ERI3: variants seen among roughly 807,000 people sequenced by gnomAD.
The protein encoded by ERI3 is ERI1 exoribonuclease 3.
A neutral mutation model predicts 44.4 loss-of-function variants in ERI3; 18 were observed. The observed-to-expected ratio is 0.41, with a 90% CI of 0.28 to 0.60. ERI3 has a LOEUF of 0.60. ERI3 is among the 20% of genes least tolerant of loss of function. The pLI is 0.36. For synonymous variants in ERI3, 183 were observed against 164.8 expected, an observed-to-expected ratio of 1.11 and a Z score of -0.84; for missense variants, 294 against 435.5, an observed-to-expected ratio of 0.68 and a Z score of 2.89.
intron 2 of ERI3, among the ~76,000 whole-genome samples, chr1:44,348,981 A>G (rs1646838306): frequency 6.6e-6 from 1 of 152,208 alleles, no homozygotes; most frequent in Non-Finnish European, 1.5e-5. Flanking sequence ...TTTGAGAGGC[A>G]CTTTACAAAG....
intron 7 of ERI3, chr1:44,284,194 C>T: frequency 2.5e-6 from 1 of 392,556 alleles, no homozygotes; most frequent in Non-Finnish European, 5.2e-6. Context: ...TCATTCTCTG[C>T]CAGGGCTCAC....
chr1:44,314,673 G>A (rs1646047642), intron 4 of ERI3, among the ~76,000 whole-genome samples: 1 of 152,186 alleles, frequency 6.6e-6, no homozygotes, highest in Non-Finnish European at 1.5e-5. Context: ...GGGGCTGGGA[G>A]TGGGGAAGTG....
At chr1:44,249,140 C>T (rs939380733) in intron 7 of ERI3, among the ~76,000 whole-genome samples, 4 of 152,160 alleles carry the variant, frequency 2.6e-5, no homozygotes, top group Non-Finnish European at 4.4e-5. Context: ...GGTAGCTAGT[C>T]GGGCCTTCAA....
At chr1:44,314,380 G>T (rs1202270191) in intron 4 of ERI3, among the ~76,000 whole-genome samples, 1 of 152,126 alleles carries the variant, frequency 6.6e-6, no homozygotes, top group African/African-American at 2.4e-5. Flanking sequence ...GGTATTTTAA[G>T]GAAGTGTAAG....
chr1:44,275,119 C>A (rs1213472490), intron 7 of ERI3, among the ~76,000 whole-genome samples: 18 of 152,174 alleles, frequency 1.2e-4, no homozygotes, highest in Admixed American at 1.2e-3. Flanking sequence ...AAACAGCTTG[C>A]AGAGCCCCTA....
At chr1:44,344,963 GAT>G (rs1646755494) in intron 2 of ERI3, among the ~76,000 whole-genome samples, 1 of 152,220 alleles carries the variant, frequency 6.6e-6, no homozygotes, top group Non-Finnish European at 1.5e-5. Context: ...GCCCCTGGAG[GAT>G]GGTCTCTGTG....
At chr1:44,251,050 C>A (rs1376384080) in intron 7 of ERI3, among the ~76,000 whole-genome samples, 1 of 152,216 alleles carries the variant, frequency 6.6e-6, no homozygotes, top group Non-Finnish European at 1.5e-5. Context: ...CATGCTCCCC[C>A]CAGCTCCTGC....
At chr1:44,353,288 G>T in intron 1 of ERI3, 1 of 985,378 alleles carries the variant, frequency 1.0e-6, no homozygotes, top group South Asian at 4.7e-5. Flanking sequence ...GGCTGGGCCA[G>T]GACTGGGGTA....
At chr1:44,280,399 A>G (rs1359596567) in intron 7 of ERI3, among the ~76,000 whole-genome samples, 1 of 152,234 alleles carries the variant, frequency 6.6e-6, no homozygotes, top group Non-Finnish European at 1.5e-5. Flanking sequence ...TATCAGTTCA[A>G]TCGAAGTAAT....
Position 44,355,034 on chromosome 1 carries a change from C to A in ERI3, c.-8G>T, listed in dbSNP as rs1646970659. ...GGGAGAGGCTGTCGCCATGGCAACG[C>A]CCCCTCCTCGGGGCCAGCGCGGCAG... On this transcript the variant is annotated 5_prime_UTR_variant, in exon 1 of 9. Transcript: ENST00000372257. The A allele has an allele frequency of 2.9e-6, 4 of 1,381,274 alleles. No individual in the cohort carries two copies. The highest frequency in any genetic ancestry group is 3.8e-6 in the Non-Finnish European group (4 of 1,063,266). The allele number at this position is 1,381,274 out of a possible 1,614,324, so 85.6% of individuals were successfully genotyped here. A position where few individuals can be genotyped will look rare whatever the true frequency, so the allele number is the denominator to read the frequency against.
At position 44,353,146 on chromosome 1, in the gene ERI3, C is replaced by T. The variant is rs368985174; in HGVS notation, c.136-221G>A. 1.1e-4 allele frequency: 107 copies of T among 985,334 alleles called. 2 individuals carry two copies. In the African/African-American group the frequency reaches 1.7e-3, roughly 16 times the overall value. The allele number at this position is 985,334 out of a possible 1,614,324, so 61.0% of individuals were successfully genotyped here. On this transcript the variant is annotated intron_variant, in intron 1 of 8. Coordinates refer to ENST00000372257, the MANE Select transcript of ERI3 (RefSeq NM_024066.3). The stretch of plus-strand genomic sequence containing the variant: ...ATACTTTTGCTCCTAAGGAGGCTCA[C>T]CTCCTAGAAACACTAAACATTTACC...
intron 8 of ERI3, among the ~76,000 whole-genome samples, chr1:44,227,393 T>C (rs1227300409): frequency 6.6e-6 from 1 of 152,024 alleles, no homozygotes; most frequent in Non-Finnish European, 1.5e-5. Context: ...GATCCTTGGG[T>C]GTGTCCACGT....
chr1:44,355,070 G>A lies in ERI3; in HGVS notation c.-44C>T. ...GGGCCAGCGCGGCAGGCTCCCTCCA[G>A]GTGCAGGCCCCGACGTCTCCCTCGG... is the stretch of plus-strand genomic sequence containing the variant. On this transcript the variant is annotated 5_prime_UTR_variant, in exon 1 of 9. Transcript: ENST00000372257. The A allele has an allele frequency of 3.0e-6, 4 of 1,318,422 alleles. No individual in the cohort carries two copies. The highest frequency in any genetic ancestry group is 3.9e-6 in the Non-Finnish European group (4 of 1,029,184). The allele number at this position is 1,318,422 out of a possible 1,614,324, so 81.7% of individuals were successfully genotyped here.
intron 6 of ERI3, among the ~76,000 whole-genome samples, chr1:44,289,144 G>A (rs1177437392): frequency 6.6e-6 from 1 of 152,168 alleles, no homozygotes; most frequent in Non-Finnish European, 1.5e-5. Flanking sequence ...CATCACTGAT[G>A]GCCAATAGAA....
At chr1:44,275,858 T>C (rs1200591264) in intron 7 of ERI3, among the ~76,000 whole-genome samples, 1 of 152,182 alleles carries the variant, frequency 6.6e-6, no homozygotes, top group Non-Finnish European at 1.5e-5. Context: ...CCCACCTCCC[T>C]CAGTCCATTT....
chr1:44,292,053 AC>A (rs754063274), intron 6 of ERI3, among the ~76,000 whole-genome samples: 1 of 152,210 alleles, frequency 6.6e-6, no homozygotes, highest in African/African-American at 2.4e-5. Flanking sequence ...AACATGCTTT[AC>A]AAATAAGGCC....
chr1:44,255,202 C>T (rs1290446654), intron 7 of ERI3, among the ~76,000 whole-genome samples: 4 of 152,314 alleles, frequency 2.6e-5, no homozygotes, highest in Admixed American at 6.5e-5. Context: ...CTCCTGTTAA[C>T]GACCAACTTC....
chr1:44,258,506 C>T (rs1327386584), intron 7 of ERI3, among the ~76,000 whole-genome samples: 7 of 152,174 alleles, frequency 4.6e-5, no homozygotes, highest in Admixed American at 6.5e-5. Context: ...ATGTAACACC[C>T]ATTTATTGAG....
intron 7 of ERI3, among the ~76,000 whole-genome samples, chr1:44,259,750 C>A (rs1188697171): frequency 6.8e-6 from 1 of 147,748 alleles, no homozygotes; most frequent in Non-Finnish European, 1.5e-5. Flanking sequence ...GTGACGTGCA[C>A]CTGTGATCCT....
Sources: gnomAD v4.1 joint callset for allele counts (sites outside exome capture counted in the v4.1 genomes callset) on GRCh38, gnomAD v4.1.1 for gene constraint, MANE v1.5 for transcripts, NCBI Gene and HGNC (gene_info 2026-07-23, HGNC 2026-07-21) for gene names.